SYT9: variants seen among roughly 807,000 people sequenced by gnomAD.
SYT9 encodes the protein synaptotagmin 9.
SYT9 carries 22 observed loss-of-function variants against 48.4 expected under a neutral mutation model. That is an observed-to-expected ratio of 0.45 (90% CI 0.32 to 0.65). The LOEUF is 0.65. Ranked by LOEUF, SYT9 falls within the 30% of genes least tolerant of loss-of-function variation. The pLI is 0.03. For missense variants in SYT9, 577 were observed against 622.0 expected (o/e 0.93, Z 0.77); for synonymous variants, 265 against 245.0 (o/e 1.08, Z -0.76).
At chr11:7,294,288 A>C (rs1848749968) in intron 1 of SYT9, among the ~76,000 whole-genome samples, 1 of 152,182 alleles carries the variant, frequency 6.6e-6, no homozygotes. Flanking sequence ...ACTGCTAGCC[A>C]CCCAAAATCT....
intron 3 of SYT9, among the ~76,000 whole-genome samples, chr11:7,328,873 A>T (rs1165127167): frequency 6.6e-6 from 1 of 152,150 alleles, no homozygotes; most frequent in African/African-American, 2.4e-5. Flanking sequence ...TCTTGTGTGG[A>T]TAATTTTTTT....
At chr11:7,296,614 T>A (rs1848812617) in intron 1 of SYT9, among the ~76,000 whole-genome samples, 1 of 152,214 alleles carries the variant, frequency 6.6e-6, no homozygotes, top group Admixed American at 6.5e-5. Flanking sequence ...AAATATACTT[T>A]AATTTTTAGA....
chr11:7,404,567 A>T (rs1215353448), intron 3 of SYT9, among the ~76,000 whole-genome samples: 1 of 152,194 alleles, frequency 6.6e-6, no homozygotes, highest in South Asian at 2.1e-4. Context: ...TATATATAGT[A>T]TAAGAAACTT....
rs527921002 is a variant in SYT9, at chr11:7,368,841, A to G, written c.1045-47201A>G. ...AATGAACATACGTGTGCATGTGTCT[A>G]TATATAAAGAAATGTGCCACATTTT... On this transcript the variant is annotated intron_variant, in intron 3 of 6. Transcript: ENST00000318881. 2.0e-5 allele frequency among the ~76,000 whole-genome samples: 3 copies of G among 151,952 alleles called. No individual in the cohort carries two copies. The East Asian group carries it at 5.8e-4, about 29-fold the overall frequency.
intron 3 of SYT9, among the ~76,000 whole-genome samples, chr11:7,381,527 A>G (rs952339431): frequency 5.3e-5 from 8 of 152,196 alleles, no homozygotes; most frequent in African/African-American, 1.2e-4. Flanking sequence ...TGGAGCAGAA[A>G]GAAGCCAGTT....
intron 6 of SYT9, among the ~76,000 whole-genome samples, chr11:7,448,658 C>A (rs762893878): frequency 4.6e-5 from 7 of 152,236 alleles, no homozygotes; most frequent in Non-Finnish European, 8.8e-5. Context: ...TCCAGACATA[C>A]TGAAATAGTT....
chr11:7,252,472 C>A lies in SYT9; in HGVS notation c.145+141C>A, dbSNP rs1847890907. The stretch of plus-strand genomic sequence containing the variant: ...ACCGAGCCAGGAGAGTGATCAAGAA[C>A]CAGCGCACTGTGGCCTGATGCTGTA... On this transcript the variant is annotated intron_variant, in intron 1 of 6. Coordinates refer to ENST00000318881, the MANE Select transcript of SYT9 (RefSeq NM_175733.4). This position sits in a 1 kb window ranked among gnomAD's most constrained non-coding sequence, Gnocchi z 6.3. 2.1e-6 allele frequency: 2 copies of A among 951,004 alleles called. No individual in the cohort carries two copies. Among genetic ancestry groups the A allele is most frequent in the South Asian group, 5.8e-5 (2 of 34,580 alleles). The allele number at this position is 951,004 out of a possible 1,614,324, so 58.9% of individuals were successfully genotyped here. A position where few individuals can be genotyped will look rare whatever the true frequency, so the allele number is the denominator to read the frequency against.
At chr11:7,384,583 T>C in intron 3 of SYT9, among the ~76,000 whole-genome samples, 1 of 152,212 alleles carries the variant, frequency 6.6e-6, no homozygotes, top group East Asian at 1.9e-4. Flanking sequence ...ACAAGCCATG[T>C]CACCTCTCAC....
chr11:7,251,132 A>ACACCCC (rs146134507), upstream of SYT9, among the ~76,000 whole-genome samples: 8 of 127,960 alleles, frequency 6.3e-5, no homozygotes, highest in East Asian at 1.2e-3. Flanking sequence ...ACACACACAC[A>ACACCCC]CCCAGAGTAC....
chr11:7,286,434 A>G (rs923205301), intron 1 of SYT9, among the ~76,000 whole-genome samples: 3 of 152,008 alleles, frequency 2.0e-5, no homozygotes, highest in African/African-American at 7.3e-5. Flanking sequence ...CCAGGAAACC[A>G]TTTTTCCCTC....
chr11:7,447,915 G>C (rs1039347853), intron 6 of SYT9, among the ~76,000 whole-genome samples: 2 of 152,198 alleles, frequency 1.3e-5, no homozygotes, highest in Non-Finnish European at 2.9e-5. Context: ...TCAGCATGAA[G>C]TGTGCAAATT....
chr11:7,406,998 C>T (rs1473531139), intron 3 of SYT9, among the ~76,000 whole-genome samples: 1 of 151,872 alleles, frequency 6.6e-6, no homozygotes, highest in Non-Finnish European at 1.5e-5. Flanking sequence ...TATGTCTTTT[C>T]TTGATAAATA....
chr11:7,423,708 T>G (rs142012217), intron 6 of SYT9, among the ~76,000 whole-genome samples: 2 of 152,238 alleles, frequency 1.3e-5, no homozygotes, highest in East Asian at 3.9e-4. Context: ...TCCATGTGTG[T>G]CATGGAGAAT....
intron 2 of SYT9, among the ~76,000 whole-genome samples, chr11:7,308,426 A>T (rs1032267623): frequency 3.3e-5 from 5 of 152,180 alleles, no homozygotes; most frequent in African/African-American, 4.8e-5. Context: ...TGTTGGGGAT[A>T]TGAGTGCTGG....
intron 3 of SYT9, among the ~76,000 whole-genome samples, chr11:7,315,767 G>C (rs1483445821): frequency 6.6e-6 from 1 of 152,174 alleles, no homozygotes; most frequent in Non-Finnish European, 1.5e-5. Flanking sequence ...CTGGCCCTGA[G>C]ATCACTGCCA....
rs1320102189 is a variant in SYT9, at chr11:7,468,552, C to T, written c.*1752C>T. 7.8e-6 allele frequency: 3 copies of T among 383,010 alleles called. No homozygotes were observed. The highest frequency in any genetic ancestry group is 1.4e-5 in the Non-Finnish European group (3 of 216,674). The allele number at this position is 383,010 out of a possible 1,614,324, so 23.7% of individuals were successfully genotyped here. ...ACCATACCAGTGTTTAGAAGCAAAA[C>T]ATGAAGGGCTAGCGCCACCAGGATA... On this transcript the variant is annotated 3_prime_UTR_variant, in exon 7 of 7. Coordinates refer to ENST00000318881, the MANE Select transcript of SYT9 (RefSeq NM_175733.4).
intron 3 of SYT9, among the ~76,000 whole-genome samples, chr11:7,351,048 C>A (rs149413594): frequency 6.6e-6 from 1 of 151,998 alleles, no homozygotes; most frequent in African/African-American, 2.4e-5. Flanking sequence ...AAGTCAAGAT[C>A]AAAGCGGCCA....
intron 3 of SYT9, among the ~76,000 whole-genome samples, chr11:7,343,542 A>G (rs1419523983): frequency 6.6e-6 from 1 of 152,208 alleles, no homozygotes; most frequent in Admixed American, 6.5e-5. Context: ...CCTGGATTTA[A>G]TGGTCCATTA....
At chr11:7,398,455 G>T (rs1179509512) in intron 3 of SYT9, among the ~76,000 whole-genome samples, 3 of 149,626 alleles carry the variant, frequency 2.0e-5, no homozygotes, top group Admixed American at 1.3e-4. Context: ...TGTCGCCCAG[G>T]CTGGAGTGCA....
Sources: gnomAD v4.1 joint callset for allele counts (sites outside exome capture counted in the v4.1 genomes callset) on GRCh38, gnomAD v4.1.1 for gene constraint, Gnocchi (gnomAD v3.1) non-coding constraint, MANE v1.5 for transcripts, NCBI Gene and HGNC (gene_info 2026-07-23, HGNC 2026-07-21) for gene names.